DECR1: variants seen among roughly 807,000 people sequenced by gnomAD.
DECR1 encodes the protein 2,4-dienoyl-CoA reductase 1, also known as 2,4-dienoyl-CoA reductase [(3E)-enoyl-CoA-producing], mitochondrial.
In DECR1, 44 loss-of-function variants were observed where a neutral mutation model predicts 38.8. That is an observed-to-expected ratio of 1.13 (90% CI 0.89 to 1.46). DECR1 has a LOEUF of 1.46. Ranked by LOEUF, DECR1 falls within the 40% of genes most tolerant of loss-of-function variation. The pLI is 0.00. For synonymous variants in DECR1, 148 were observed against 135.2 expected (o/e 1.09, Z -0.66); for missense variants, 428 against 405.5 (o/e 1.06, Z -0.48).
chr8:90,010,911 G>A (rs1021334650), intron 1 of DECR1, among the ~76,000 whole-genome samples: 1 of 151,884 alleles, frequency 6.6e-6, no homozygotes, highest in Non-Finnish European at 1.5e-5. Flanking sequence ...TTGTGTGCTT[G>A]CCTATATGAT....
In DECR1 at chr8:90,001,505, G is replaced by A. The variant is rs1396472988; in HGVS notation, c.13G>A (p.Ala5Thr). The change falls in exon 1 of 10, where the codon GCC becomes ACC. Residue 5 changes from alanine (A) to threonine (T), a missense_variant. Ala to Thr is a moderately conservative substitution (Grantham distance 58). Transcript: ENST00000220764. MKLP[A>T]RVFFTLGSRL... ...CTGGAGACTCAACATGAAGCTACCG[G>A]CCAGGGTTTTCTTTACTCTGGGGTC... 3.1e-6 allele frequency: 5 copies of A among 1,614,044 alleles called. No individual in the cohort carries two copies. Among genetic ancestry groups the A allele is most frequent in the Non-Finnish European group, 4.2e-6 (5 of 1,179,918 alleles).
chr8:90,049,126 G>A (rs1021978191), intron 8 of DECR1, among the ~76,000 whole-genome samples: 17 of 152,292 alleles, frequency 1.1e-4, no homozygotes, highest in Middle Eastern at 3.4e-3. Flanking sequence ...ACAAGACAGG[G>A]ATGCCCTCTC....
At chr8:90,028,044 G>T (rs1309948432) in intron 5 of DECR1, among the ~76,000 whole-genome samples, 2 of 152,030 alleles carry the variant, frequency 1.3e-5, no homozygotes, top group South Asian at 4.1e-4. Flanking sequence ...CTTAGCTTCT[G>T]TGCTTGCTTA....
rs1813659503 is a variant in DECR1 at position 90,038,176 on chromosome 8, T to C, written c.665+1236T>C. 1.3e-5 allele frequency among the ~76,000 whole-genome samples: 2 copies of C among 152,350 alleles called. 1 individual carries two copies. The highest frequency in any genetic ancestry group is 4.1e-4 in the South Asian group (2 of 4,826). ...TTAAATTTTTTTACTATTCCATTTA[T>C]TATTTCCATGCTTTAATTTCCATTG... On this transcript the variant is annotated intron_variant, in intron 6 of 9. Transcript: ENST00000220764.
At chr8:90,029,939 C>T (rs1269188848) in intron 5 of DECR1, among the ~76,000 whole-genome samples, 1 of 152,084 alleles carries the variant, frequency 6.6e-6, no homozygotes, top group Non-Finnish European at 1.5e-5. Context: ...ATTACCAGTT[C>T]AGGGGCTAGC....
chr8:90,026,527 T>G (rs181276180), intron 5 of DECR1, among the ~76,000 whole-genome samples: 25 of 152,346 alleles, frequency 1.6e-4, no homozygotes, highest in Non-Finnish European at 3.2e-4. Context: ...GTTTATAGTA[T>G]TCTCTGATGA....
At chr8:90,002,013 G>A (rs1397456730) in intron 1 of DECR1, among the ~76,000 whole-genome samples, 1 of 152,194 alleles carries the variant, frequency 6.6e-6, no homozygotes, top group Non-Finnish European at 1.5e-5. Flanking sequence ...GGGCAACGCC[G>A]GGAGTGAGCA....
At chr8:90,025,614 A>G (rs1813314105) in intron 5 of DECR1, among the ~76,000 whole-genome samples, 1 of 152,066 alleles carries the variant, frequency 6.6e-6, no homozygotes, top group Non-Finnish European at 1.5e-5. Context: ...GCTTAAGGAG[A>G]TTTTGGGCTA....
At chr8:90,005,630 A>G in intron 1 of DECR1, 1 of 363,436 alleles carries the variant, frequency 2.8e-6, no homozygotes, top group East Asian at 7.3e-5. Flanking sequence ...AGAACTGTTC[A>G]TACCCAACGA....
intron 7 of DECR1, 87 bp from the exon 8 acceptor site, chr8:90,044,762 A>G: frequency 2.9e-6 from 4 of 1,392,346 alleles, no homozygotes; most frequent in Admixed American, 2.3e-5. Flanking sequence ...GCATGGCAGC[A>G]TGCCATTTTA....
chr8:90,024,709 A>G (rs998725489), intron 5 of DECR1, among the ~76,000 whole-genome samples: 1 of 152,056 alleles, frequency 6.6e-6, no homozygotes, highest in African/African-American at 2.4e-5. Context: ...GCTGTGCAGA[A>G]GCTCTTTAGT....
chr8:90,003,713 G>A (rs566463136), intron 1 of DECR1, among the ~76,000 whole-genome samples: 1 of 151,930 alleles, frequency 6.6e-6, no homozygotes, highest in African/African-American at 2.4e-5. Context: ...AGGCTGAGGC[G>A]GGTGGATCAT....
chr8:90,040,613 A>G (rs1404947607), intron 6 of DECR1, among the ~76,000 whole-genome samples: 1 of 152,080 alleles, frequency 6.6e-6, no homozygotes, highest in Non-Finnish European at 1.5e-5. Flanking sequence ...TCCTAATGCT[A>G]TCCCTCCCCT....
At chr8:90,049,509 TG>T (rs1292320605) in intron 8 of DECR1, among the ~76,000 whole-genome samples, 1 of 152,164 alleles carries the variant, frequency 6.6e-6, no homozygotes, top group Non-Finnish European at 1.5e-5. Context: ...TACAAACCAC[TG>T]CTCAGTAAAA....
intron 1 of DECR1, chr8:90,005,777 C>A: frequency 3.3e-6 from 1 of 306,808 alleles, no homozygotes; most frequent in Middle Eastern, 1.2e-3. Context: ...ATTCTGATGC[C>A]TGGACAAGTT....
chr8:90,004,809 A>G (rs1192195097), intron 1 of DECR1, among the ~76,000 whole-genome samples: 1 of 152,240 alleles, frequency 6.6e-6, no homozygotes, highest in Non-Finnish European at 1.5e-5. Flanking sequence ...TATCTGTTAC[A>G]TGAATGAACG....
intron 8 of DECR1, among the ~76,000 whole-genome samples, chr8:90,047,205 G>A (rs1245909094): frequency 1.3e-5 from 2 of 152,102 alleles, no homozygotes; most frequent in Non-Finnish European, 1.5e-5. Context: ...ATGTAAATGG[G>A]CTAAATGCTC....
At chr8:90,009,623 G>T (rs1252909715) in intron 1 of DECR1, among the ~76,000 whole-genome samples, 2 of 151,942 alleles carry the variant, frequency 1.3e-5, no homozygotes, top group Non-Finnish European at 1.5e-5. Context: ...ATAATGTCAT[G>T]TTTATCCCTA....
intron 8 of DECR1, 100 bp from the exon 9 acceptor site, chr8:90,051,577 C>T: frequency 2.3e-6 from 2 of 876,256 alleles, no homozygotes; most frequent in Admixed American, 2.5e-5. Flanking sequence ...TTTAAAGTGC[C>T]AAAGAGATAT....
Sources: allele counts gnomAD v4.1 joint callset (sites outside exome capture counted in the v4.1 genomes callset), GRCh38; gene constraint gnomAD v4.1.1; transcripts MANE v1.5; gene names NCBI Gene and HGNC (gene_info 2026-07-23, HGNC 2026-07-21).